MED28: variants seen among roughly 807,000 people sequenced by gnomAD.
MED28 encodes the protein mediator complex subunit 28, also known as mediator of RNA polymerase II transcription subunit 28.
A neutral mutation model predicts 21.3 loss-of-function variants in MED28; 26 were observed. That is an observed-to-expected ratio of 1.22 (90% CI 0.89 to 1.69). The LOEUF (loss-of-function observed/expected upper bound fraction) is 1.69. Ranked by LOEUF, MED28 falls within the 40% of genes most tolerant of loss-of-function variation. The probability of loss-of-function intolerance (pLI) is 0.00; values close to 1 mark genes in which losing one functional copy is unlikely to be tolerated. For synonymous variants in MED28, 110 were observed against 87.6 expected (o/e 1.26, Z -1.43); for missense variants, 257 against 215.4 (o/e 1.19, Z -1.21).
In MED28 at chr4:17,623,673, C is replaced by G; in HGVS notation, c.412C>G (p.His138Asp). The change falls in exon 4 of 4, where the codon CAT (histidine) becomes GAT (aspartate). Residue 138 changes from histidine (H) to aspartate (D), a missense_variant. Coordinates refer to ENST00000237380, the MANE Select transcript of MED28 (RefSeq NM_025205.5). ...LVQKHLTKLRHWQQVLEDINV... is the reference protein window; with the variant it reads ...LVQKHLTKLRDWQQVLEDINV... ...CCAGAAGCACTTGACAAAGCTGAGGCATTGGCAGCAGGTGCTGGAGGACAT... is the reference window on the plus strand; with the variant it reads ...CCAGAAGCACTTGACAAAGCTGAGGGATTGGCAGCAGGTGCTGGAGGACAT... 4 of 1,614,216 alleles carry G rather than the reference C, an allele frequency of 2.5e-6. No homozygotes were observed. Among genetic ancestry groups the G allele is most frequent in the Non-Finnish European group, 1.7e-6 (2 of 1,180,038 alleles).
chr4:17,614,965 C>T (rs1714404605), intron 1 of MED28, 152 bp downstream of exon 1: 2 of 1,004,610 alleles, frequency 2.0e-6, no homozygotes, highest in Non-Finnish European at 2.9e-6. Context: ...TAGGCTTCCC[C>T]GTGGCCCGTA....
chr4:17,617,159 C>T (rs1336989922), intron 1 of MED28, among the ~76,000 whole-genome samples: 2 of 152,280 alleles, frequency 1.3e-5, no homozygotes, highest in East Asian at 1.9e-4. Context: ...GGGAGTGGTG[C>T]GAGCTGGATC....
At position 17,633,981 on chromosome 4, in the gene MED28, T is replaced by C; in HGVS notation, c.*10183T>C. 2 of 1,040,166 alleles carry C rather than the reference T, an allele frequency of 1.9e-6. No homozygotes were observed. The highest frequency in any genetic ancestry group is 1.3e-6 in the Non-Finnish European group (1 of 777,266). 64.4% of individuals were successfully genotyped at this position (1,040,166 alleles called of 1,614,324 possible). ...GCAAATAATGCTCACCCAATCAAAA[T>C]TGTATCGGAGAAGAAGCAACAATTT... On this transcript the variant is annotated 3_prime_UTR_variant, in exon 4 of 4. Coordinates refer to ENST00000237380, the MANE Select transcript of MED28 (RefSeq NM_025205.5).
chr4:17,619,990 C>T, intron 2 of MED28, 23 bp downstream of exon 2: 1 of 1,605,438 alleles, frequency 6.2e-7, no homozygotes, highest in Non-Finnish European at 8.5e-7. Flanking sequence ...TCTGTGTACA[C>T]AATGTTCTGG....
In MED28 at chr4:17,630,252, C is replaced by T. The variant is rs1187881325; in HGVS notation, c.*6454C>T. The T allele has an allele frequency of 6.6e-6, 1 of 152,216 alleles. No homozygotes were observed. The highest frequency in any genetic ancestry group is 1.9e-4 in the East Asian group (1 of 5,192). 9.4% of individuals were successfully genotyped at this position (152,216 alleles called of 1,614,324 possible). A position where few individuals can be genotyped will look rare whatever the true frequency, so the allele number is the denominator to read the frequency against. ...ATAAAGAGCAGTCCTACAGGGTTCA[C>T]TGCTATGTCCTGAATGTTGATGTCC... On this transcript the variant is annotated 3_prime_UTR_variant, in exon 4 of 4. Coordinates refer to ENST00000237380, the MANE Select transcript of MED28 (RefSeq NM_025205.5).
rs949673366 is a variant in MED28, at chr4:17,632,401, AT to A, written c.*8606del. On this transcript the variant is annotated 3_prime_UTR_variant, in exon 4 of 4. Coordinates refer to ENST00000237380, the MANE Select transcript of MED28 (RefSeq NM_025205.5). ...AACAGTATGAAGTGTTAACGCCAAA[AT>A]TTGTTTTAGCTATCATATATAAATC... 1 of 723,826 alleles carries A rather than the reference AT, an allele frequency of 1.4e-6. No homozygotes were observed. The highest frequency in any genetic ancestry group is 1.8e-5 in the African/African-American group (1 of 55,814). 44.8% of individuals were successfully genotyped at this position (723,826 alleles called of 1,614,324 possible).
chr4:17,630,370 C>T lies in MED28; in HGVS notation c.*6572C>T, dbSNP rs980196013. 6.6e-6 allele frequency: 1 copy of T among 152,236 alleles called. No individual in the cohort carries two copies. 9.4% of individuals were successfully genotyped at this position (152,236 alleles called of 1,614,324 possible). A position where few individuals can be genotyped will look rare whatever the true frequency, so the allele number is the denominator to read the frequency against. On this transcript the variant is annotated 3_prime_UTR_variant, in exon 4 of 4. Transcript: ENST00000237380. ...GCAATGGAGTCATGAGGGCTTCACC[C>T]TCATGAGTAGGATAAGTACCCTTAC...
Position 17,632,631 on chromosome 4 carries a change from AG to A in MED28, c.*8834del. The A allele has an allele frequency of 6.7e-7, 1 of 1,481,972 alleles. No individual in the cohort carries two copies. The highest frequency in any genetic ancestry group is 2.4e-5 in the Admixed American group (1 of 41,638). The allele number at this position is 1,481,972 out of a possible 1,614,324, so 91.8% of individuals were successfully genotyped here. On this transcript the variant is annotated 3_prime_UTR_variant, in exon 4 of 4. Coordinates refer to ENST00000237380, the MANE Select transcript of MED28 (RefSeq NM_025205.5). Reference sequence around the variant, plus strand: ...CCGTTTCACCATCTGGGGTCCTAAAAGCAAAAAAAGGTTTTTTTATATGGTT... The same window carrying A: ...CCGTTTCACCATCTGGGGTCCTAAAACAAAAAAAGGTTTTTTTATATGGTT...
intron 3 of MED28, 108 bp downstream of exon 3, chr4:17,621,807 C>CT: frequency 2.6e-6 from 2 of 754,762 alleles, no homozygotes; most frequent in South Asian, 3.5e-5. Context: ...TTCATTCAGG[C>CT]TTTATAGGTC....
Position 17,633,709 on chromosome 4 carries a change from T to C in MED28, c.*9911T>C, listed in dbSNP as rs1715034794. The C allele has an allele frequency of 6.5e-7, 1 of 1,545,702 alleles. No homozygotes were observed. Among genetic ancestry groups the C allele is most frequent in the South Asian group, 1.2e-5 (1 of 83,274 alleles). ...CAAACCTTGTGGCAGTTTTTGCATC[T>C]GTAGACTGGTTGGGTTTGTAGGTCC... is the stretch of plus-strand genomic sequence containing the variant. On this transcript the variant is annotated 3_prime_UTR_variant, in exon 4 of 4. Coordinates refer to ENST00000237380, the MANE Select transcript of MED28 (RefSeq NM_025205.5).
At position 17,633,862 on chromosome 4, in the gene MED28, G is replaced by T; in HGVS notation, c.*10064G>T. On this transcript the variant is annotated 3_prime_UTR_variant, in exon 4 of 4. Coordinates refer to ENST00000237380, the MANE Select transcript of MED28 (RefSeq NM_025205.5). ...CGAGGTTCGGCACGCTGACCACGCGGCTGGGCACGTCCTCCACCTTCTTTT... is the reference window on the plus strand; with the variant it reads ...CGAGGTTCGGCACGCTGACCACGCGTCTGGGCACGTCCTCCACCTTCTTTT... 1 of 1,550,464 alleles carries T rather than the reference G, an allele frequency of 6.4e-7. No individual in the cohort carries two copies. The highest frequency in any genetic ancestry group is 1.2e-5 in the South Asian group (1 of 83,918).
At chr4:17,622,428 T>A (rs1714663865) in intron 3 of MED28, among the ~76,000 whole-genome samples, 1 of 152,230 alleles carries the variant, frequency 6.6e-6, no homozygotes. Context: ...TCATGTCAGA[T>A]CATTTCCTGA....
intron 3 of MED28, 120 bp downstream of exon 3, chr4:17,621,819 G>T: frequency 2.9e-6 from 2 of 691,932 alleles, no homozygotes; most frequent in Non-Finnish European, 5.0e-6. Context: ...TTATAGGTCA[G>T]TGTGAAATGT....
At position 17,633,698 on chromosome 4, in the gene MED28, G is replaced by T; in HGVS notation, c.*9900G>T. 6.5e-7 allele frequency: 1 copy of T among 1,533,830 alleles called. No individual in the cohort carries two copies. The highest frequency in any genetic ancestry group is 8.8e-7 in the Non-Finnish European group (1 of 1,137,970). ...CCAACATCCCCCAAACCTTGTGGCA[G>T]TTTTTGCATCTGTAGACTGGTTGGG... is the stretch of plus-strand genomic sequence containing the variant. On this transcript the variant is annotated 3_prime_UTR_variant, in exon 4 of 4. Coordinates refer to ENST00000237380, the MANE Select transcript of MED28 (RefSeq NM_025205.5).
In MED28 at chr4:17,623,838, C is replaced by G. The variant is rs200145667; in HGVS notation, c.*40C>G. Reference sequence around the variant, plus strand: ...CAGTTGGCCTATGAGTGGGCTGATGCGTGAGGTTGGCCACACATTCCTTCC... The same window carrying G: ...CAGTTGGCCTATGAGTGGGCTGATGGGTGAGGTTGGCCACACATTCCTTCC... On this transcript the variant is annotated 3_prime_UTR_variant, in exon 4 of 4. Transcript: ENST00000237380. 2.3e-5 allele frequency: 37 copies of G among 1,576,142 alleles called. No individual in the cohort carries two copies. Among genetic ancestry groups the G allele is most frequent in the African/African-American group, 1.5e-4 (11 of 74,216 alleles).
In MED28 at chr4:17,623,601, G is replaced by C. The variant is rs781445355; in HGVS notation, c.340G>C (p.Asp114His). ...VQKPEQVIKE[D>H]VSELRNELQR... ...CTTAGTCCATGACTTTCATCTGCAG[G>C]ATGTGTCAGAACTAAGGAATGAATT... The change falls in exon 4 of 4, where the codon GAT (aspartate) becomes CAT (histidine). Residue 114 changes from aspartate to histidine, a missense_variant and splice_region_variant. Coordinates refer to ENST00000237380, the MANE Select transcript of MED28 (RefSeq NM_025205.5). 1.2e-5 allele frequency: 19 copies of C among 1,613,636 alleles called. No individual in the cohort carries two copies. Among genetic ancestry groups the C allele is most frequent in the Non-Finnish European group, 1.6e-5 (19 of 1,179,920 alleles).
chr4:17,623,989 C>G lies in MED28; in HGVS notation c.*191C>G. On this transcript the variant is annotated 3_prime_UTR_variant, in exon 4 of 4. Transcript: ENST00000237380. ...ATTTCTTGAGTACTTTATAACATGT[C>G]TGTAGCTTGGATAAACCAAGTAAGT... 2 of 624,178 alleles carry G rather than the reference C, an allele frequency of 3.2e-6. No individual in the cohort carries two copies. Among genetic ancestry groups the G allele is most frequent in the Non-Finnish European group, 5.6e-6 (2 of 357,302 alleles). 38.7% of individuals were successfully genotyped at this position (624,178 alleles called of 1,614,324 possible).
Position 17,623,823 on chromosome 4 carries a change from A to ATGAG in MED28, c.*28_*31dup, listed in dbSNP as rs1560158655. 1.9e-6 allele frequency: 3 copies of ATGAG among 1,602,178 alleles called. No individual in the cohort carries two copies. In the South Asian group the frequency reaches 3.3e-5, roughly 18 times the overall value. On this transcript the variant is annotated 3_prime_UTR_variant, in exon 4 of 4. Transcript: ENST00000237380. Reference sequence around the variant, plus strand: ...AGCAAAGGGCAGAGGCAGTTGGCCTATGAGTGGGCTGATGCGTGAGGTTGG... The same window carrying ATGAG: ...AGCAAAGGGCAGAGGCAGTTGGCCTATGAGTGAGTGGGCTGATGCGTGAGGTTGG...
chr4:17,620,433 A>G (rs986508111), intron 2 of MED28, among the ~76,000 whole-genome samples: 1 of 148,830 alleles, frequency 6.7e-6, no homozygotes, highest in Non-Finnish European at 1.5e-5. Context: ...TCATGGGTTC[A>G]GGCAGTTCTC....
Sources: allele counts gnomAD v4.1 joint callset (sites outside exome capture counted in the v4.1 genomes callset), GRCh38; gene constraint gnomAD v4.1.1; transcripts MANE v1.5; gene names NCBI Gene and HGNC (gene_info 2026-07-23, HGNC 2026-07-21).